The following PIEZO2 variants were observed in gnomAD, a reference collection of about 807,000 sequenced individuals.
The protein encoded by PIEZO2 is piezo-type mechanosensitive ion channel component 2.
A neutral mutation model predicts 337.3 loss-of-function variants in PIEZO2; 172 were observed. The observed-to-expected ratio is 0.51, with a 90% confidence interval of 0.45 to 0.58. The LOEUF (loss-of-function observed/expected upper bound fraction) is 0.58. Among genes scored for constraint, PIEZO2 ranks in the 20% least tolerant of loss-of-function variants. The pLI is 0.00. For missense variants in PIEZO2, 3,028 were observed against 3,391.3 expected (o/e 0.89, Z 2.66); for synonymous variants, 1,251 against 1,228.5 (o/e 1.02, Z -0.38).
intron 49 of PIEZO2, among the ~76,000 whole-genome samples, chr18:10,685,448 C>T (rs1487348474): frequency 1.3e-5 from 2 of 152,160 alleles, no homozygotes; most frequent in Non-Finnish European, 2.9e-5. Context: ...TAAAATGAGG[C>T]TTCTTATTTC....
At position 10,903,443 on chromosome 18, in the gene PIEZO2, G is replaced by A. The variant is rs549089742; in HGVS notation, c.329+7743C>T. On this transcript the variant is annotated intron_variant, in intron 4 of 55. Transcript: ENST00000674853. This position sits in a 1 kb window ranked among gnomAD's most constrained non-coding sequence, Gnocchi z 4.1. ...AGCACTTTGAGAGGCCAAGGCGGGC[G>A]GATCATGAGGTCAAGAGATCGAGAC... Among the ~76,000 whole-genome samples the A allele has an allele frequency of 3.9e-5, 6 of 152,192 alleles. No individual in the cohort carries two copies. Among genetic ancestry groups the A allele is most frequent in the East Asian group, 1.9e-4 (1 of 5,168 alleles).
intron 5 of PIEZO2, among the ~76,000 whole-genome samples, chr18:10,864,438 G>A (rs757216371): frequency 3.1e-4 from 47 of 152,248 alleles, no homozygotes; most frequent in East Asian, 7.7e-4. Context: ...AAGAGATTAC[G>A]TCTGACTAAA....
intron 2 of PIEZO2, among the ~76,000 whole-genome samples, chr18:10,989,205 T>A (rs2034997255): frequency 6.6e-6 from 1 of 152,074 alleles, no homozygotes; most frequent in African/African-American, 2.4e-5. Context: ...TCATCAAAAC[T>A]CATTGAAATG....
rs565013506 is a variant in PIEZO2 at position 10,982,419 on chromosome 18, T to G, written c.161-2759A>C. 1.4e-4 allele frequency among the ~76,000 whole-genome samples: 21 copies of G among 152,220 alleles called. No individual in the cohort carries two copies. In the South Asian group the frequency reaches 4.1e-3, roughly 30 times the overall value. On this transcript the variant is annotated intron_variant, in intron 2 of 55. Coordinates refer to ENST00000674853, the MANE Select transcript of PIEZO2 (RefSeq NM_001378183.1). The surrounding 1 kb of genome is among the most constrained non-coding windows in gnomAD (Gnocchi z 4.1). ...ATAGGTATAAATAAGTGAAGAGATC[T>G]GTTACATGCATGAATGAGGTGACTC...
chr18:10,831,938 C>T (rs2040854449), intron 7 of PIEZO2, among the ~76,000 whole-genome samples: 1 of 152,114 alleles, frequency 6.6e-6, no homozygotes, highest in South Asian at 2.1e-4. Context: ...TCTCAGGCTA[C>T]CATAGCTTGG....
Position 11,028,527 on chromosome 18 carries a change from C to G in PIEZO2, c.160+37600G>C, listed in dbSNP as rs896046557. Among the ~76,000 whole-genome samples the G allele has an allele frequency of 1.1e-4, 16 of 152,162 alleles. No homozygotes were observed. The highest frequency in any genetic ancestry group is 3.9e-4 in the African/African-American group (16 of 41,420). On this transcript the variant is annotated intron_variant, in intron 2 of 55. Transcript: ENST00000674853. The surrounding 1 kb of genome is among the most constrained non-coding windows in gnomAD (Gnocchi z 4.8). ...CCGCCAGCCTTGGACTCCCAAAGTGCTGGGATTACAGGTGTGAGCTACCGC... is the reference window on the plus strand; with the variant it reads ...CCGCCAGCCTTGGACTCCCAAAGTGGTGGGATTACAGGTGTGAGCTACCGC...
intron 7 of PIEZO2, among the ~76,000 whole-genome samples, chr18:10,851,163 T>A (rs1312315692): frequency 6.6e-6 from 1 of 150,640 alleles, no homozygotes; most frequent in Non-Finnish European, 1.5e-5. Flanking sequence ...ATCTTTTTTT[T>A]TTTTTTTTTG....
At chr18:10,810,134 T>C (rs1172926095) in intron 7 of PIEZO2, among the ~76,000 whole-genome samples, 1 of 152,180 alleles carries the variant, frequency 6.6e-6, no homozygotes, top group Admixed American at 6.5e-5. Flanking sequence ...CACTTCCTAA[T>C]AAAATCTAAT....
At position 11,127,802 on chromosome 18, in the gene PIEZO2, CAT is replaced by C. The variant is rs1491393830; in HGVS notation, c.64+20721_64+20722del. 1.2e-4 allele frequency among the ~76,000 whole-genome samples: 3 copies of C among 24,530 alleles called. No homozygotes were observed. Among genetic ancestry groups the C allele is most frequent in the Non-Finnish European group, 2.2e-4 (3 of 13,414 alleles). The allele number at this position is 24,530 out of a possible 152,430, so 16.1% of individuals were successfully genotyped here. The stretch of plus-strand genomic sequence containing the variant: ...ATGCATATACGTGTGTGTGTGTGTG[CAT>C]GTGTGTGTGTGTGTGTGTGTGTATC... On this transcript the variant is annotated intron_variant, in intron 1 of 55. Transcript: ENST00000674853. This position sits in a 1 kb window ranked among gnomAD's most constrained non-coding sequence, Gnocchi z 4.5.
Position 10,775,402 on chromosome 18 carries a change from C to T in PIEZO2, c.2535-1364G>A, listed in dbSNP as rs1470602343. Among the ~76,000 whole-genome samples, 1 of 152,074 alleles carries T rather than the reference C, an allele frequency of 6.6e-6. No individual in the cohort carries two copies. Among genetic ancestry groups the T allele is most frequent in the African/African-American group, 2.4e-5 (1 of 41,380 alleles). On this transcript the variant is annotated intron_variant, in intron 18 of 55. Transcript: ENST00000674853. The surrounding 1 kb of genome is among the most constrained non-coding windows in gnomAD (Gnocchi z 4.3). ...GCACAGTCGTCAGTATGTATTTGTT[C>T]TCTTCAGGGATGCATTTTATAAATG...
At chr18:10,925,656 T>C (rs1208937677) in intron 3 of PIEZO2, among the ~76,000 whole-genome samples, 2 of 152,192 alleles carry the variant, frequency 1.3e-5, no homozygotes, top group Non-Finnish European at 2.9e-5. Context: ...CTCAGCTCAC[T>C]GTAAGCTCTG....
intron 2 of PIEZO2, among the ~76,000 whole-genome samples, chr18:11,060,649 A>T (rs1309147759): frequency 6.6e-6 from 1 of 152,252 alleles, no homozygotes; most frequent in Non-Finnish European, 1.5e-5. Context: ...ATAAACTAGA[A>T]AATCTAGAAG....
rs1348363301 is a variant in PIEZO2 at position 10,872,543 on chromosome 18, A to G, written c.330-1128T>C. Reference sequence around the variant, plus strand: ...CTGCTGCAAGACACCAGAGCTTAATAGGCACTGGCAGACTTCTCACACCAT... The same window carrying G: ...CTGCTGCAAGACACCAGAGCTTAATGGGCACTGGCAGACTTCTCACACCAT... On this transcript the variant is annotated intron_variant, in intron 4 of 55. Transcript: ENST00000674853. The surrounding 1 kb of genome is among the most constrained non-coding windows in gnomAD (Gnocchi z 4.3). 6.6e-6 allele frequency among the ~76,000 whole-genome samples: 1 copy of G among 152,154 alleles called. No homozygotes were observed. The highest frequency in any genetic ancestry group is 2.4e-5 in the African/African-American group (1 of 41,416).
intron 1 of PIEZO2, among the ~76,000 whole-genome samples, chr18:11,134,438 G>A (rs553340037): frequency 4.6e-5 from 7 of 152,220 alleles, no homozygotes; most frequent in South Asian, 2.1e-4. Context: ...TCCCTCTCAC[G>A]GCTGTGACAG....
intron 48 of PIEZO2, among the ~76,000 whole-genome samples, chr18:10,690,944 T>C (rs2034792417): frequency 6.6e-6 from 1 of 152,228 alleles, no homozygotes; most frequent in Non-Finnish European, 1.5e-5. Flanking sequence ...TTACAGATCA[T>C]GTATCCCTAT....
At chr18:10,902,648 T>G (rs1034800260) in intron 4 of PIEZO2, among the ~76,000 whole-genome samples, 3 of 152,202 alleles carry the variant, frequency 2.0e-5, no homozygotes, top group Non-Finnish European at 2.9e-5. Context: ...AGTGTCATTT[T>G]GTACCTTAAA....
chr18:10,992,545 G>C (rs916642630), intron 2 of PIEZO2, among the ~76,000 whole-genome samples: 1 of 151,868 alleles, frequency 6.6e-6, no homozygotes, highest in Non-Finnish European at 1.5e-5. Context: ...GGTTGTAGAT[G>C]TGTGTGATTT....
chr18:10,729,852 G>A (rs964302634), intron 36 of PIEZO2, among the ~76,000 whole-genome samples: 3 of 152,080 alleles, frequency 2.0e-5, no homozygotes, highest in Middle Eastern at 3.2e-3. Flanking sequence ...CATAATGTGC[G>A]TGCCATTTGC....
chr18:10,803,651 G>C (rs1369178855), intron 9 of PIEZO2, among the ~76,000 whole-genome samples: 1 of 152,180 alleles, frequency 6.6e-6, no homozygotes, highest in Non-Finnish European at 1.5e-5. Context: ...GGAGATTTCA[G>C]TAGAAAGCAC....
Sources: gnomAD v4.1 joint callset for allele counts (sites outside exome capture counted in the v4.1 genomes callset) on GRCh38, gnomAD v4.1.1 for gene constraint, Gnocchi (gnomAD v3.1) non-coding constraint, MANE v1.5 for transcripts, NCBI Gene and HGNC (gene_info 2026-07-23, HGNC 2026-07-21) for gene names.